TNPO2: variants seen among roughly 807,000 people sequenced by gnomAD.
TNPO2 encodes the protein transportin 2, also known as transportin-2.
Under a neutral mutation model 111.1 loss-of-function variants are expected in TNPO2, and 16 were observed. The observed-to-expected ratio is 0.14, with a 90% CI of 0.10 to 0.22. TNPO2 has a LOEUF of 0.22. Among genes scored for constraint, TNPO2 ranks in the 10% least tolerant of loss-of-function variants. The pLI is 1.00. For missense variants in TNPO2, 530 were observed against 1,173.7 expected, an observed-to-expected ratio of 0.45 and a Z score of 8.01; for synonymous variants, 481 against 475.8, an observed-to-expected ratio of 1.01 and a Z score of -0.14.
In TNPO2 at chr19:12,715,849, C is replaced by T. The variant is rs1031975899; in HGVS notation, c.326-110G>A. 3.5e-5 allele frequency: 28 copies of T among 793,374 alleles called. No individual in the cohort carries two copies. Among genetic ancestry groups the T allele is most frequent in the Middle Eastern group, 2.9e-4 (1 of 3,480 alleles). 49.1% of individuals were successfully genotyped at this position (793,374 alleles called of 1,614,324 possible). A position where few individuals can be genotyped will look rare whatever the true frequency, so the allele number is the denominator to read the frequency against. On this transcript the variant is annotated intron_variant, in intron 5 of 25. Coordinates refer to ENST00000425528, the MANE Select transcript of TNPO2 (RefSeq NM_001382241.1). The surrounding 1 kb of genome is among the most constrained non-coding windows in gnomAD (Gnocchi z 7.1). ...GCCTTTCTGTTCCCTAGCCCATGTA[C>T]GCCCTCTACATCCCCCCTCCTTTTT...
At chr19:12,707,467 T>G (rs1232987253) in intron 13 of TNPO2, among the ~76,000 whole-genome samples, 1 of 150,260 alleles carries the variant, frequency 6.7e-6, no homozygotes, top group East Asian at 1.9e-4. Context: ...TCTTAAGATG[T>G]TTGTGAGTTT....
At chr19:12,704,458 C>G (rs1162296024) in intron 18 of TNPO2, among the ~76,000 whole-genome samples, 5 of 152,172 alleles carry the variant, frequency 3.3e-5, no homozygotes. Flanking sequence ...ATCTCTAAAT[C>G]ACTTATATCT....
At position 12,711,539 on chromosome 19, in the gene TNPO2, G is replaced by A. The variant is rs2026048259; in HGVS notation, c.951+14C>T. The A allele has an allele frequency of 6.2e-7, 1 of 1,613,914 alleles. No homozygotes were observed. The highest frequency in any genetic ancestry group is 8.5e-7 in the Non-Finnish European group (1 of 1,179,850). ...ACGCCCATGCCCACCCATGCTGGGTGGGCCCTGCCTGACCTTGAGCAGGAT... is the reference window on the plus strand; with the variant it reads ...ACGCCCATGCCCACCCATGCTGGGTAGGCCCTGCCTGACCTTGAGCAGGAT... On this transcript the variant is annotated intron_variant, in intron 11 of 25. Coordinates refer to ENST00000425528, the MANE Select transcript of TNPO2 (RefSeq NM_001382241.1).
At chr19:12,711,872 T>G (rs1006940257) in intron 10 of TNPO2, among the ~76,000 whole-genome samples, 1 of 151,774 alleles carries the variant, frequency 6.6e-6, no homozygotes, top group East Asian at 1.9e-4. Flanking sequence ...AAAGGTTTTT[T>G]TTTTTTTTTC....
Position 12,703,812 on chromosome 19 carries a change from A to C in TNPO2, c.2023-11T>G. 6.4e-7 allele frequency: 1 copy of C among 1,569,306 alleles called. No individual in the cohort carries two copies. The highest frequency in any genetic ancestry group is 8.6e-7 in the Non-Finnish European group (1 of 1,157,032). Reference sequence around the variant, plus strand: ...CTCAGGCATCGAGTCCTGGGGATTCAAGTAAGATCAGTGTGGCTAGGCTCC... The same window carrying C: ...CTCAGGCATCGAGTCCTGGGGATTCCAGTAAGATCAGTGTGGCTAGGCTCC... On this transcript the variant is annotated splice_polypyrimidine_tract_variant and intron_variant, in intron 18 of 25. Coordinates refer to ENST00000425528, the MANE Select transcript of TNPO2 (RefSeq NM_001382241.1).
At chr19:12,712,861 C>G (rs1182939269) in intron 10 of TNPO2, among the ~76,000 whole-genome samples, 2 of 152,328 alleles carry the variant, frequency 1.3e-5, no homozygotes, top group South Asian at 4.1e-4. Flanking sequence ...TCTACACTCT[C>G]TCATCGCCGC....
chr19:12,702,713 A>G lies in TNPO2; in HGVS notation c.2305+110T>C, dbSNP rs2025395902. The G allele has an allele frequency of 1.0e-6, 1 of 989,142 alleles. No homozygotes were observed. Among genetic ancestry groups the G allele is most frequent in the African/African-American group, 1.6e-5 (1 of 61,300 alleles). 61.3% of individuals were successfully genotyped at this position (989,142 alleles called of 1,614,324 possible). On this transcript the variant is annotated intron_variant, in intron 21 of 25. Transcript: ENST00000425528. This position sits in a 1 kb window ranked among gnomAD's most constrained non-coding sequence, Gnocchi z 5.5. Reference sequence around the variant, plus strand: ...AGTGACCCCTTCCAGGTACTTCCAGACACCCTCCTTGGTTCCTTGACAAGG... The same window carrying G: ...AGTGACCCCTTCCAGGTACTTCCAGGCACCCTCCTTGGTTCCTTGACAAGG...
rs529111754 is a variant in TNPO2, at chr19:12,722,770, C to G, written c.-14+479G>C. Among the ~76,000 whole-genome samples, 144 of 151,906 alleles carry G rather than the reference C, an allele frequency of 9.5e-4. 2 individuals are homozygous for G. The highest frequency in any genetic ancestry group is 5.9e-4 in the Admixed American group (9 of 15,252). Reference sequence around the variant, plus strand: ...GACCAAAGAGTTGCCGTTTCTTTGGCCTCTCTAGCCAGCCGGTCCTCCCAG... The same window carrying G: ...GACCAAAGAGTTGCCGTTTCTTTGGGCTCTCTAGCCAGCCGGTCCTCCCAG... On this transcript the variant is annotated intron_variant, in intron 2 of 25. Coordinates refer to ENST00000425528, the MANE Select transcript of TNPO2 (RefSeq NM_001382241.1).
chr19:12,702,198 G>A lies in TNPO2; in HGVS notation c.2306-21C>T, dbSNP rs775989389. On this transcript the variant is annotated intron_variant, in intron 21 of 25. Coordinates refer to ENST00000425528, the MANE Select transcript of TNPO2 (RefSeq NM_001382241.1). This position sits in a 1 kb window ranked among gnomAD's most constrained non-coding sequence, Gnocchi z 5.5. Reference sequence around the variant, plus strand: ...GCGACCTGCAACCCCGAGCGGCCCCGGGACGGTACGTGGCGGGGCCTCTGG... The same window carrying A: ...GCGACCTGCAACCCCGAGCGGCCCCAGGACGGTACGTGGCGGGGCCTCTGG... The A allele has an allele frequency of 3.6e-5, 58 of 1,604,900 alleles. 1 individual carries two copies. The Admixed American group carries it at 7.5e-4, about 21-fold the overall frequency.
Position 12,703,401 on chromosome 19 carries a change from GCGTGTTGCCACTTGCAGGGCA to G in TNPO2, c.2209+6_2209+26del. 6.2e-7 allele frequency: 1 copy of G among 1,600,676 alleles called. No individual in the cohort carries two copies. The highest frequency in any genetic ancestry group is 8.6e-7 in the Non-Finnish European group (1 of 1,168,398). Reference sequence around the variant, plus strand: ...GGTTGAGAACAGGCTAATGGGGGGCGCGTGTTGCCACTTGCAGGGCACTCACCCATCTGCATGCAGATTTCA... The same window carrying G: ...GGTTGAGAACAGGCTAATGGGGGGCGCTCACCCATCTGCATGCAGATTTCA... On this transcript the variant is annotated splice_donor_region_variant and intron_variant, in intron 20 of 25. Transcript: ENST00000425528.
rs2025404993 is a variant in TNPO2, at chr19:12,702,918, C to T, written c.2210G>A (p.Gly737Glu). The change falls in exon 21 of 26, where the codon GGG becomes GAG. Residue 737 changes from glycine to glutamate, a missense_variant and splice_region_variant. Around this residue, in one of 4 missense-constraint regions of TNPO2, gnomAD observed 183 missense variants for 481.0 expected, o/e 0.38. Coordinates refer to ENST00000425528, the MANE Select transcript of TNPO2 (RefSeq NM_001382241.1). This position sits in a 1 kb window ranked among gnomAD's most constrained non-coding sequence, Gnocchi z 5.5. Reference protein sequence around the residue: ...WAIGEICMQMGAEMQPYVQMV... With the variant: ...WAIGEICMQMEAEMQPYVQMV... ...CTGCACATAAGGCTGCATCTCTGCC[C>T]CTGGGGGAGCACCCAGTCAGAGCCC... is the stretch of plus-strand genomic sequence containing the variant. The T allele has an allele frequency of 6.2e-7, 1 of 1,613,594 alleles. No individual in the cohort carries two copies. Among genetic ancestry groups the T allele is most frequent in the Admixed American group, 1.7e-5 (1 of 59,990 alleles).
intron 5 of TNPO2, among the ~76,000 whole-genome samples, chr19:12,717,420 C>T (rs763227135): frequency 6.6e-6 from 1 of 151,724 alleles, no homozygotes; most frequent in Non-Finnish European, 1.5e-5. Flanking sequence ...TACAGGTGCC[C>T]GCTGCCACAC....
intron 18 of TNPO2, among the ~76,000 whole-genome samples, chr19:12,704,348 G>A (rs2025498525): frequency 6.6e-6 from 1 of 151,700 alleles, no homozygotes; most frequent in African/African-American, 2.4e-5. Context: ...CAGCCTGGGT[G>A]ACAGAGTGAG....
At position 12,715,273 on chromosome 19, in the gene TNPO2, C is replaced by A. The variant is rs754633785; in HGVS notation, c.618G>T (p.Ala206=). 3 of 1,613,560 alleles carry A rather than the reference C, an allele frequency of 1.9e-6. No homozygotes were observed. The highest frequency in any genetic ancestry group is 2.5e-6 in the Non-Finnish European group (3 of 1,179,734). The stretch of plus-strand genomic sequence containing the variant: ...TGAAGGTGTCAATATTGTCCATCAG[C>A]GCCTGGGCCCGGTCCATGATGAACT... The part of the protein sequence containing the change: ...VNQFIMDRAQ[A]LMDNIDTFIE... Residue 206 remains alanine (A), a synonymous_variant, in exon 8 of 26, where the codon GCG becomes GCT. Transcript: ENST00000425528. The surrounding 1 kb of genome is among the most constrained non-coding windows in gnomAD (Gnocchi z 7.1).
rs752788606 is a variant in TNPO2, at chr19:12,701,377, T to C, written c.2663A>G (p.Lys888Arg). 6.2e-7 allele frequency: 1 copy of C among 1,613,974 alleles called. No individual in the cohort carries two copies. Among genetic ancestry groups the C allele is most frequent in the East Asian group, 2.2e-5 (1 of 44,876 alleles). Residue 888 changes from lysine (K) to arginine (R), a missense_variant, in exon 25 of 26, where the codon AAG (lysine) becomes AGG (arginine). Physicochemically the swap from Lys to Arg is conservative, Grantham distance 26 (BLOSUM62 2). Coordinates refer to ENST00000425528, the MANE Select transcript of TNPO2 (RefSeq NM_001382241.1). The surrounding 1 kb of genome is among the most constrained non-coding windows in gnomAD (Gnocchi z 5.0). Reference protein sequence around the residue: ...QFSEQFPPLLKERLAAFYGV With the variant: ...QFSEQFPPLLRERLAAFYGV ...CCCATAGAAAGCCGCCAGCCTCTCCTTGAGCAGCGGCGGGAATTGCTCAGA... is the reference window on the plus strand; with the variant it reads ...CCCATAGAAAGCCGCCAGCCTCTCCCTGAGCAGCGGCGGGAATTGCTCAGA...
intron 20 of TNPO2, 182 bp from the exon 21 acceptor site, chr19:12,703,100 A>G (rs1599406081): frequency 1.6e-6 from 1 of 607,158 alleles, no homozygotes; most frequent in South Asian, 2.1e-5. Context: ...AACCAGGGAC[A>G]GACCCACACC....
At position 12,719,758 on chromosome 19, in the gene TNPO2, C is replaced by T. The variant is rs2026566816; in HGVS notation, c.100-422G>A. The stretch of plus-strand genomic sequence containing the variant: ...AGGTTGCAGTGAGCCGAGATTGCGC[C>T]TCTGCATTCCAGTCTGGGCGACAGA... On this transcript the variant is annotated intron_variant, in intron 3 of 25. Coordinates refer to ENST00000425528, the MANE Select transcript of TNPO2 (RefSeq NM_001382241.1). The surrounding 1 kb of genome is among the most constrained non-coding windows in gnomAD (Gnocchi z 5.0). Among the ~76,000 whole-genome samples the T allele has an allele frequency of 6.6e-6, 1 of 151,712 alleles. No homozygotes were observed. The highest frequency in any genetic ancestry group is 1.5e-5 in the Non-Finnish European group (1 of 67,968).
rs769171441 is a variant in TNPO2, at chr19:12,715,586, C to T, written c.432+47G>A. ...ACAAACGTGGGTGGTGGGTGGTGGTCCCAGCCCCCCAGTACTCGCTCTGGC... is the reference window on the plus strand; with the variant it reads ...ACAAACGTGGGTGGTGGGTGGTGGTTCCAGCCCCCCAGTACTCGCTCTGGC... On this transcript the variant is annotated intron_variant, in intron 6 of 25. Coordinates refer to ENST00000425528, the MANE Select transcript of TNPO2 (RefSeq NM_001382241.1). The surrounding 1 kb of genome is among the most constrained non-coding windows in gnomAD (Gnocchi z 7.1). 1.8e-5 allele frequency: 29 copies of T among 1,613,290 alleles called. No individual in the cohort carries two copies. The highest frequency in any genetic ancestry group is 4.4e-5 in the South Asian group (4 of 91,046).
chr19:12,710,562 A>C (rs2025977616), intron 13 of TNPO2, 59 bp downstream of exon 13: 2 of 1,582,154 alleles, frequency 1.3e-6, no homozygotes, highest in Non-Finnish European at 1.7e-6. Flanking sequence ...GTGGCTAGTA[A>C]TGTGGGCCAG....
Sources: allele counts gnomAD v4.1 joint callset (sites outside exome capture counted in the v4.1 genomes callset), GRCh38; gene constraint gnomAD v4.1.1; regional missense constraint gnomAD v4.1.1; non-coding constraint Gnocchi (gnomAD v3.1); transcripts MANE v1.5; gene names NCBI Gene and HGNC (gene_info 2026-07-23, HGNC 2026-07-21).